Variants in CAPN3 observed in about 807,000 individuals in gnomAD.
The protein encoded by CAPN3 is calpain 3.
Under a neutral mutation model 114.0 loss-of-function variants are expected in CAPN3, and 88 were observed. The observed-to-expected ratio is 0.77, with a 90% confidence interval of 0.65 to 0.92. The LOEUF is 0.92. Ranked by LOEUF, CAPN3 falls within the 40% of genes least tolerant of loss-of-function variation. The pLI is 0.00. For missense variants in CAPN3, 1,028 were observed against 1,069.0 expected, an observed-to-expected ratio of 0.96 and a Z score of 0.53; for synonymous variants, 386 against 382.9, an observed-to-expected ratio of 1.01 and a Z score of -0.09.
chr15:42,390,782 G>GTT (rs1213260658), intron 6 of CAPN3, among the ~76,000 whole-genome samples: 1 of 117,998 alleles, frequency 8.5e-6, no homozygotes, highest in Non-Finnish European at 1.9e-5. Context: ...AGTTTTTTTT[G>GTT]TTTTTTTGTT....
At chr15:42,388,473 T>C (rs2053462518) in intron 4 of CAPN3, among the ~76,000 whole-genome samples, 1 of 152,030 alleles carries the variant, frequency 6.6e-6, no homozygotes, top group Non-Finnish European at 1.5e-5. Flanking sequence ...GCCCAGTTAA[T>C]TTTTGTATTT....
chr15:42,391,270 C>G (rs544464397), intron 6 of CAPN3, among the ~76,000 whole-genome samples: 4 of 152,036 alleles, frequency 2.6e-5, no homozygotes, highest in African/African-American at 9.7e-5. Context: ...AATGCTATAA[C>G]GAACATCCCA....
intron 3 of CAPN3, among the ~76,000 whole-genome samples, chr15:42,387,107 A>G (rs1339834775): frequency 2.0e-5 from 3 of 152,212 alleles, no homozygotes; most frequent in Admixed American, 6.5e-5. Context: ...AAAGGGCCTT[A>G]CATACAAATA....
chr15:42,378,784 C>G (rs1037943693), intron 1 of CAPN3, among the ~76,000 whole-genome samples: 1 of 152,056 alleles, frequency 6.6e-6, no homozygotes, highest in Non-Finnish European at 1.5e-5. Flanking sequence ...AATGCTATAA[C>G]TTTCCCTTTA....
At chr15:42,400,729 G>C (rs936479997) in intron 10 of CAPN3, among the ~76,000 whole-genome samples, 5 of 151,976 alleles carry the variant, frequency 3.3e-5, no homozygotes. Context: ...CGTGTTGTTT[G>C]TTTTTGGTGG....
chr15:42,410,984 G>A lies in CAPN3; in HGVS notation c.2364G>A (p.Arg788=), dbSNP rs2141225975. The A allele has an allele frequency of 1.2e-6, 2 of 1,613,620 alleles. No individual in the cohort carries two copies. The highest frequency in any genetic ancestry group is 1.7e-6 in the Non-Finnish European group (2 of 1,179,496). The change falls in exon 22 of 24, where the codon AGG becomes AGA. Residue 788 remains arginine, a synonymous_variant. Coordinates refer to ENST00000397163, the MANE Select transcript of CAPN3 (RefSeq NM_000070.3). ...ACAGTTTCATCTGCTGCTTCGTTAG[G>A]CTGGAGGGCATGTTCAGTAAGTGGG... is the stretch of plus-strand genomic sequence containing the variant. ...DFDSFICCFV[R]LEGMFRAFHA... is the part of the protein sequence containing the mutation.
chr15:42,403,272 C>T (rs544828894), intron 13 of CAPN3, among the ~76,000 whole-genome samples: 14 of 152,314 alleles, frequency 9.2e-5, no homozygotes, highest in African/African-American at 3.1e-4. Flanking sequence ...AATATTCTAA[C>T]ATGAGACAAT....
At chr15:42,396,355 G>A (rs2053690116) in intron 8 of CAPN3, among the ~76,000 whole-genome samples, 1 of 149,908 alleles carries the variant, frequency 6.7e-6, no homozygotes, top group Admixed American at 6.7e-5. Context: ...TGATTCTTCT[G>A]CCTTAGCCTC....
intron 15 of CAPN3, among the ~76,000 whole-genome samples, 184 bp from the exon 16 acceptor site, chr15:42,408,027 T>TA (rs1291742812): frequency 1.3e-5 from 2 of 152,148 alleles, no homozygotes; most frequent in African/African-American, 4.8e-5. Flanking sequence ...TATGAAAAGA[T>TA]AAAGAACTGA....
intron 8 of CAPN3, among the ~76,000 whole-genome samples, chr15:42,396,031 C>T (rs758932055): frequency 3.3e-5 from 5 of 152,152 alleles, no homozygotes; most frequent in Non-Finnish European, 5.9e-5. Context: ...CTTAGTAAAT[C>T]AGAGTTTCTT....
intron 18 of CAPN3, 31 bp downstream of exon 18, chr15:42,409,875 T>TGGGGGGGGGGGGG: frequency 5.5e-6 from 1 of 180,804 alleles, no homozygotes; most frequent in Admixed American, 6.2e-5. Flanking sequence ...GGGGGTGGGG[T>TGGGGGGGGGGGGG]GGGTGGGGAG....
intron 3 of CAPN3, 69 bp downstream of exon 3, chr15:42,386,354 C>A: frequency 9.1e-7 from 1 of 1,094,656 alleles, no homozygotes; most frequent in Non-Finnish European, 1.4e-6. Context: ...CTGGCCTTGA[C>A]TTCCCAGAAG....
Position 42,410,642 on chromosome 15 carries a change from A to G in CAPN3, c.2239A>G (p.Met747Val), listed in dbSNP as rs944905891. Residue 747 changes from methionine (M) to valine (V), a missense_variant, in exon 21 of 24, where the codon ATG becomes GTG. Met to Val is a conservative substitution (Grantham distance 21). Transcript: ENST00000397163. ...GTCCGGCACCATCAACAGCTACGAGATGCGAAATGCAGTCAACGACGCAGG... is the reference window on the plus strand; with the variant it reads ...GTCCGGCACCATCAACAGCTACGAGGTGCGAAATGCAGTCAACGACGCAGG... Reference protein sequence around the residue: ...DQSGTINSYEMRNAVNDAGFH... With the variant: ...DQSGTINSYEVRNAVNDAGFH... The G allele has an allele frequency of 1.2e-6, 2 of 1,613,784 alleles. No homozygotes were observed. Among genetic ancestry groups the G allele is most frequent in the Non-Finnish European group, 1.7e-6 (2 of 1,179,962 alleles).
chr15:42,375,892 T>C (rs1186987854), intron 1 of CAPN3, among the ~76,000 whole-genome samples: 4 of 152,224 alleles, frequency 2.6e-5, no homozygotes, highest in African/African-American at 9.6e-5. Flanking sequence ...ACCCAAGATA[T>C]GACATTACAT....
intron 1 of CAPN3, among the ~76,000 whole-genome samples, chr15:42,361,374 G>A (rs187657106): frequency 6.6e-6 from 1 of 152,276 alleles, no homozygotes; most frequent in Non-Finnish European, 1.5e-5. Flanking sequence ...CAGAGGCTGA[G>A]GTGGGAAGAT....
In CAPN3 at chr15:42,399,548, C is replaced by T. The variant is rs200646556; in HGVS notation, c.1250C>T (p.Thr417Met). The T allele has an allele frequency of 8.9e-5, 143 of 1,613,410 alleles. No homozygotes were observed. The highest frequency in any genetic ancestry group is 1.2e-4 in the Non-Finnish European group (136 of 1,179,502). ...ACAAAGTTGGAGATCTGCAACCTCA[C>T]GGCCGATGCTCTGCAGTCTGACAAG... ...HFTKLEICNL[T>M]ADALQSDKLQ... Residue 417 changes from threonine to methionine, a missense_variant, in exon 10 of 24, where the codon ACG becomes ATG. Transcript: ENST00000397163.
intron 14 of CAPN3, chr15:42,404,148 G>T (rs2053955665): frequency 2.2e-6 from 1 of 464,126 alleles, no homozygotes; most frequent in Non-Finnish European, 4.3e-6. Context: ...GTAAGCTGGT[G>T]CCGGACCTGG....
At chr15:42,369,259 G>A (rs1305105106) in intron 1 of CAPN3, among the ~76,000 whole-genome samples, 2 of 152,140 alleles carry the variant, frequency 1.3e-5, no homozygotes, top group Non-Finnish European at 2.9e-5. Flanking sequence ...GTCATTTGTG[G>A]TTTATGGTCA....
chr15:42,364,741 C>T (rs1359003), intron 1 of CAPN3, among the ~76,000 whole-genome samples: 40,956 of 152,092 alleles, frequency 0.27, 7,891 homozygotes, highest in African/African-American at 0.54. Context: ...GGCACCTTGC[C>T]CAGTGATTGG....
Sources: allele counts gnomAD v4.1 joint callset (sites outside exome capture counted in the v4.1 genomes callset), GRCh38; gene constraint gnomAD v4.1.1; transcripts MANE v1.5; gene names NCBI Gene and HGNC (gene_info 2026-07-23, HGNC 2026-07-21).